The following NCKAP5 variants were observed in gnomAD, a reference collection of about 807,000 sequenced individuals.
NCKAP5 encodes the protein NCK associated protein 5.
In NCKAP5, 92 loss-of-function variants were observed where a neutral mutation model predicts 167.0. The observed-to-expected ratio is 0.55, with a 90% confidence interval of 0.47 to 0.66. The LOEUF (loss-of-function observed/expected upper bound fraction) is 0.66, where lower values mean the gene tolerates loss of function less well. NCKAP5 is among the 30% of genes least tolerant of loss of function. The pLI, the probability that NCKAP5 is intolerant of heterozygous loss-of-function variation, is 0.00. For missense variants in NCKAP5, 2,378 were observed against 2,315.0 expected (o/e 1.03, Z -0.56); for synonymous variants, 891 against 877.4 (o/e 1.02, Z -0.27).
At chr2:133,157,929 G>A (rs1352923459) in intron 5 of NCKAP5, among the ~76,000 whole-genome samples, 1 of 152,158 alleles carries the variant, frequency 6.6e-6, no homozygotes, top group Non-Finnish European at 1.5e-5. Context: ...CATATAACTG[G>A]CAGGTCCACT....
intron 18 of NCKAP5, among the ~76,000 whole-genome samples, chr2:132,726,288 C>G (rs144456940): frequency 6.6e-6 from 1 of 152,214 alleles, no homozygotes; most frequent in Non-Finnish European, 1.5e-5. Context: ...TAAGCAATTG[C>G]TGACTCCATG....
chr2:132,915,694 T>A (rs1358050402), intron 8 of NCKAP5: 1 of 152,000 alleles, frequency 6.6e-6, no homozygotes. Flanking sequence ...GAAGAAGATG[T>A]TTTTATGACT....
chr2:133,517,470 G>A lies in NCKAP5; in HGVS notation c.57C>T (p.Asp19=), dbSNP rs968327030. ...ATTTAGTACTTACCACAAGACTGCT[G>A]TCTAGAGACAGCCTTTTTCCAAAGT... is the stretch of plus-strand genomic sequence containing the variant. ...KRDFGKRLSL[D]SSLVEYMDSN... Residue 19 remains aspartate, a synonymous_variant, in exon 3 of 20, where the codon GAC becomes GAT. Coordinates refer to ENST00000409261, the MANE Select transcript of NCKAP5 (RefSeq NM_207363.3). 2 of 1,519,218 alleles carry A rather than the reference G, an allele frequency of 1.3e-6. No individual in the cohort carries two copies. The highest frequency in any genetic ancestry group is 1.8e-6 in the Non-Finnish European group (2 of 1,127,744). 94.1% of individuals were successfully genotyped at this position (1,519,218 alleles called of 1,614,324 possible).
chr2:132,769,792 T>C (rs1558745518), intron 16 of NCKAP5, among the ~76,000 whole-genome samples: 1 of 152,168 alleles, frequency 6.6e-6, no homozygotes, highest in South Asian at 2.1e-4. Context: ...ATGTAGTCTA[T>C]GGGGGAACTC....
intron 3 of NCKAP5, among the ~76,000 whole-genome samples, chr2:133,375,443 T>C (rs912276748): frequency 2.0e-5 from 3 of 152,214 alleles, no homozygotes; most frequent in African/African-American, 7.2e-5. Context: ...TTTAAACTTT[T>C]ATTTTAAGTT....
intron 16 of NCKAP5, among the ~76,000 whole-genome samples, chr2:132,757,624 AT>A (rs1680660368): frequency 6.6e-6 from 1 of 152,174 alleles, no homozygotes; most frequent in Non-Finnish European, 1.5e-5. Flanking sequence ...TCATTCTAGC[AT>A]TTTACATCTC....
At chr2:133,592,984 C>G in the NCKAP5 span, among the ~76,000 whole-genome samples, 1 of 152,182 alleles carries the variant, frequency 6.6e-6, no homozygotes, top group South Asian at 2.1e-4. Context: ...CAGAAGGTAG[C>G]TGTCAGTCCT....
At chr2:133,202,656 T>C (rs1350208809) in intron 5 of NCKAP5, among the ~76,000 whole-genome samples, 1 of 151,840 alleles carries the variant, frequency 6.6e-6, no homozygotes, top group Non-Finnish European at 1.5e-5. Context: ...AGGGCTAATA[T>C]CCAGAATCTA....
Position 133,307,014 on chromosome 2 carries a change from T to G in NCKAP5, c.70-3904A>C, listed in dbSNP as rs1279879348. On this transcript the variant is annotated intron_variant, in intron 3 of 19. Coordinates refer to ENST00000409261, the MANE Select transcript of NCKAP5 (RefSeq NM_207363.3). ...GTCAGTGTTCACTATTCCTAACACA[T>G]ATCTATGAAAAATATCAATTTCCCA... Among the ~76,000 whole-genome samples, 3 of 152,236 alleles carry G rather than the reference T, an allele frequency of 2.0e-5. No homozygotes were observed. In the East Asian group the frequency reaches 5.8e-4, roughly 29 times the overall value.
rs192174110 is a variant in NCKAP5 at position 133,008,491 on chromosome 2, C to A, written c.342-14252G>T. Reference sequence around the variant, plus strand: ...GCAAATATCTATAAACATGGAAAAGCAGCCTGTACTTGCAAAAAACTTTAT... The same window carrying A: ...GCAAATATCTATAAACATGGAAAAGAAGCCTGTACTTGCAAAAAACTTTAT... On this transcript the variant is annotated intron_variant, in intron 6 of 19. Transcript: ENST00000409261. 2.0e-5 allele frequency among the ~76,000 whole-genome samples: 3 copies of A among 152,254 alleles called. No homozygotes were observed. The East Asian group carries it at 5.8e-4, about 29-fold the overall frequency.
intron 4 of NCKAP5, among the ~76,000 whole-genome samples, chr2:133,223,154 T>A (rs1304931658): frequency 6.6e-6 from 1 of 152,150 alleles, no homozygotes; most frequent in African/African-American, 2.4e-5. Context: ...CCACCCCATA[T>A]TGTTTCCCTG....
intron 16 of NCKAP5, among the ~76,000 whole-genome samples, chr2:132,772,520 C>G (rs1682170129): frequency 6.6e-6 from 1 of 152,096 alleles, no homozygotes; most frequent in Non-Finnish European, 1.5e-5. Flanking sequence ...CCAAGAACAC[C>G]TCGTTATAGA....
chr2:133,401,238 G>A (rs1688078826), intron 3 of NCKAP5, among the ~76,000 whole-genome samples: 1 of 152,194 alleles, frequency 6.6e-6, no homozygotes, highest in Non-Finnish European at 1.5e-5. Flanking sequence ...TGCCTCCGGA[G>A]AGAGCATAGA....
chr2:133,638,043 G>T, the NCKAP5 span, among the ~76,000 whole-genome samples: 1 of 152,130 alleles, frequency 6.6e-6, no homozygotes, highest in African/African-American at 2.4e-5. Context: ...GATGATAGCA[G>T]ATCTCTCAAA....
At chr2:133,064,006 A>G (rs2080102826) in intron 6 of NCKAP5, among the ~76,000 whole-genome samples, 1 of 152,174 alleles carries the variant, frequency 6.6e-6, no homozygotes, top group African/African-American at 2.4e-5. Flanking sequence ...ATCGTTTCTT[A>G]GCAGTTGTTG....
intron 3 of NCKAP5, among the ~76,000 whole-genome samples, chr2:133,405,950 G>A (rs1331924691): frequency 1.3e-5 from 2 of 152,188 alleles, no homozygotes; most frequent in African/African-American, 4.8e-5. Context: ...AGAAAACACA[G>A]GCAACTCTTC....
intron 3 of NCKAP5, among the ~76,000 whole-genome samples, chr2:133,333,366 C>T (rs915429616): frequency 5.3e-5 from 8 of 152,108 alleles, no homozygotes; most frequent in Non-Finnish European, 1.0e-4. Context: ...GGAAAGGCTA[C>T]GGAGTCACTG....
intron 3 of NCKAP5, among the ~76,000 whole-genome samples, chr2:133,400,050 T>G (rs1418142934): frequency 6.6e-6 from 1 of 152,194 alleles, no homozygotes; most frequent in Non-Finnish European, 1.5e-5. Context: ...TACCCAGTAT[T>G]CTTAAATATA....
intron 19 of NCKAP5, among the ~76,000 whole-genome samples, chr2:132,714,217 G>T (rs772849145): frequency 6.6e-6 from 1 of 152,126 alleles, no homozygotes; most frequent in South Asian, 2.1e-4. Flanking sequence ...TTGTATATCC[G>T]TGGCTAATTT....
Sources: gnomAD v4.1 joint callset for allele counts (sites outside exome capture counted in the v4.1 genomes callset) on GRCh38, gnomAD v4.1.1 for gene constraint, MANE v1.5 for transcripts, NCBI Gene and HGNC (gene_info 2026-07-23, HGNC 2026-07-21) for gene names.